Variants in EBF4 observed in about 807,000 individuals in gnomAD.
The protein encoded by EBF4 is EBF transcription factor 4.
In EBF4, 34 loss-of-function variants were observed where a neutral mutation model predicts 67.1. The observed-to-expected ratio is 0.51, with a 90% CI of 0.39 to 0.67. The LOEUF (loss-of-function observed/expected upper bound fraction) is 0.67, where lower values mean the gene tolerates loss of function less well. EBF4 is among the 30% of genes least tolerant of loss of function. The probability of loss-of-function intolerance (pLI) is 0.00; values close to 1 mark genes in which losing one functional copy is unlikely to be tolerated. For synonymous variants in EBF4, 387 were observed against 377.7 expected (o/e 1.02, Z -0.29); for missense variants, 837 against 873.3 (o/e 0.96, Z 0.52).
At chr20:2,752,464 G>C in exon 14 of EBF4, 1 of 1,267,090 alleles carries the variant, frequency 7.9e-7, no homozygotes, top group Non-Finnish European at 9.9e-7. Context: ...GGGCGGCTAC[G>C]GCGCGCCGGG....
intron 1 of EBF4, among the ~76,000 whole-genome samples, chr20:2,694,488 A>C (rs1182967750): frequency 1.3e-5 from 2 of 152,150 alleles, no homozygotes; most frequent in Non-Finnish European, 2.9e-5. Context: ...TGACTCCAGG[A>C]TTTGAAAGCG....
intron 6 of EBF4, among the ~76,000 whole-genome samples, chr20:2,732,810 T>G (rs1196765339): frequency 6.9e-6 from 1 of 143,996 alleles, no homozygotes; most frequent in African/African-American, 2.7e-5. Context: ...TTCTTTTATT[T>G]TTTCTTTTTC....
intron 6 of EBF4, among the ~76,000 whole-genome samples, chr20:2,730,017 C>G (rs988274941): frequency 6.6e-6 from 1 of 152,210 alleles, no homozygotes. Context: ...GCAAGTCAGT[C>G]AGAGGCTGCC....
At chr20:2,722,937 A>G (rs1330152915) in intron 6 of EBF4, among the ~76,000 whole-genome samples, 1 of 152,182 alleles carries the variant, frequency 6.6e-6, no homozygotes, top group Non-Finnish European at 1.5e-5. Context: ...GATCTACTAT[A>G]TTACACATGT....
intron 6 of EBF4, among the ~76,000 whole-genome samples, chr20:2,740,864 G>C (rs1487352673): frequency 6.6e-6 from 1 of 152,118 alleles, no homozygotes; most frequent in Non-Finnish European, 1.5e-5. Flanking sequence ...TTGGCTGTGG[G>C]CTACTGGTGG....
chr20:2,748,597 T>C (rs1385011104), exon 7 of EBF4: 3 of 1,551,574 alleles, frequency 1.9e-6, no homozygotes, highest in Non-Finnish European at 2.6e-6. Flanking sequence ...GCCTGAAGAA[T>C]GCGGGGAATC....
intron 6 of EBF4, among the ~76,000 whole-genome samples, chr20:2,737,271 GAAA>G (rs1021014448): frequency 1.4e-5 from 2 of 143,712 alleles, no homozygotes; most frequent in African/African-American, 5.2e-5. Context: ...AAAAAGAAAA[GAAA>G]AGAAGATTGG....
rs548522617 is a variant in EBF4, at chr20:2,751,011, G to A, written c.1019-689G>A. ...CGGGGCCAGGCTATCTGAAAAGGGC[G>A]GTGCGGGGATCAGGAAAAGGGGAAG... On this transcript the variant is annotated intron_variant, in intron 10 of 16. Coordinates refer to ENST00000609451, the Ensembl canonical transcript of EBF4. This position sits in a 1 kb window ranked among gnomAD's most constrained non-coding sequence, Gnocchi z 5.2. Among the ~76,000 whole-genome samples, 4 of 152,292 alleles carry A rather than the reference G, an allele frequency of 2.6e-5. No individual in the cohort carries two copies. The East Asian group carries it at 7.7e-4, about 29-fold the overall frequency.
exon 13 of EBF4, chr20:2,752,261 C>T: frequency 8.0e-7 from 1 of 1,256,770 alleles, no homozygotes; most frequent in Admixed American, 4.3e-5. Flanking sequence ...GGGCCCGAGC[C>T]GGGTGCGTGG....
intron 5 of EBF4, among the ~76,000 whole-genome samples, chr20:2,708,744 A>G (rs2087495802): frequency 6.6e-6 from 1 of 152,148 alleles, no homozygotes; most frequent in Non-Finnish European, 1.5e-5. Context: ...ATAAAGTAAA[A>G]TAAATTTAAA....
chr20:2,738,297 C>T (rs1485447089), intron 6 of EBF4, among the ~76,000 whole-genome samples: 1 of 152,168 alleles, frequency 6.6e-6, no homozygotes, highest in Non-Finnish European at 1.5e-5. Context: ...CCTTCAGACT[C>T]CCACCTTCTC....
chr20:2,759,394 G>A, downstream of EBF4: 1 of 207,208 alleles, frequency 4.8e-6, no homozygotes, highest in Non-Finnish European at 9.6e-6. Context: ...GAGCTGAACG[G>A]GGAGAGGCCT....
intron 6 of EBF4, among the ~76,000 whole-genome samples, chr20:2,742,841 AC>A (rs2087987960): frequency 6.6e-6 from 1 of 152,116 alleles, no homozygotes; most frequent in African/African-American, 2.4e-5. Context: ...TTCCATGCTG[AC>A]AAGCAGGGCT....
At chr20:2,741,077 G>A (rs2087960476) in intron 6 of EBF4, among the ~76,000 whole-genome samples, 1 of 152,170 alleles carries the variant, frequency 6.6e-6, no homozygotes, top group Admixed American at 6.5e-5. Flanking sequence ...TTGGGAGGCT[G>A]AATCAGAAGG....
At chr20:2,705,771 G>C in intron 2 of EBF4, 38 bp downstream of exon 2, 2 of 1,518,490 alleles carry the variant, frequency 1.3e-6, no homozygotes, top group Non-Finnish European at 1.8e-6. Flanking sequence ...CTGGCCCCGG[G>C]AGGGAACCCC....
intron 6 of EBF4, among the ~76,000 whole-genome samples, chr20:2,713,224 G>A (rs1209384018): frequency 1.3e-5 from 2 of 152,162 alleles, no homozygotes; most frequent in African/African-American, 4.8e-5. Flanking sequence ...GTGGCAAAAG[G>A]GATGTGACCT....
chr20:2,705,605 G>C (rs768858190), exon 2 of EBF4: 9 of 1,552,706 alleles, frequency 5.8e-6, no homozygotes, highest in Admixed American at 2.0e-5. Flanking sequence ...AGCACATTTT[G>C]AGAAGCAGCC....
At chr20:2,754,967 A>ACGC (rs2088214850) in intron 14 of EBF4, 2 of 67,524 alleles carry the variant, frequency 3.0e-5, no homozygotes, top group East Asian at 1.3e-3. Flanking sequence ...GATTCAGGAG[A>ACGC]CCACCCCCCC....
chr20:2,707,968 G>A lies in EBF4; in HGVS notation c.436G>A (p.Asp146Asn), dbSNP rs769270427. The change falls in exon 5 of 17, where the codon GAC becomes AAC. Residue 146 changes from aspartate (D) to asparagine (N), a missense_variant. Asp to Asn is a conservative substitution (Grantham distance 23). Transcript: ENST00000609451. The surrounding 1 kb of genome is among the most constrained non-coding windows in gnomAD (Gnocchi z 4.6). ...CCAGGCCATCATCTATGAGGGGCAG[G>A]ACAAGAACCCCGAAATGTGCCGAGT... The A allele has an allele frequency of 1.9e-6, 3 of 1,606,282 alleles. No individual in the cohort carries two copies. The highest frequency in any genetic ancestry group is 2.6e-6 in the Non-Finnish European group (3 of 1,175,986).
Sources: gnomAD v4.1 joint callset for allele counts (sites outside exome capture counted in the v4.1 genomes callset) on GRCh38, gnomAD v4.1.1 for gene constraint, Gnocchi (gnomAD v3.1) non-coding constraint, MANE v1.5 for transcripts, NCBI Gene and HGNC (gene_info 2026-07-23, HGNC 2026-07-21) for gene names.